Variants in NELL1 observed in about 807,000 individuals in gnomAD.
NELL1 encodes the protein neural EGFL like 1, also known as protein kinase C-binding protein NELL1.
NELL1 carries 76 observed loss-of-function variants against 107.4 expected under a neutral mutation model. The ratio of observed to expected loss-of-function variants is 0.71; its 90% CI spans 0.59 to 0.86. The LOEUF (loss-of-function observed/expected upper bound fraction) is 0.86. Ranked by LOEUF, NELL1 falls within the 40% of genes least tolerant of loss-of-function variation. The pLI is 0.00. For synonymous variants in NELL1, 353 were observed against 341.2 expected, an observed-to-expected ratio of 1.03 and a Z score of -0.38; for missense variants, 1,024 against 1,005.5, an observed-to-expected ratio of 1.02 and a Z score of -0.25.
At chr11:20,947,253 G>A (rs1850980855) in intron 10 of NELL1, 83 bp from the exon 11 acceptor site, 3 of 861,710 alleles carry the variant, frequency 3.5e-6, no homozygotes, top group Non-Finnish European at 5.9e-6. Flanking sequence ...ATCACTGCAG[G>A]CTATTAACAA....
intron 13 of NELL1, among the ~76,000 whole-genome samples, chr11:21,180,655 G>A (rs181006617): frequency 2.0e-5 from 3 of 151,654 alleles, no homozygotes; most frequent in East Asian, 3.9e-4. Context: ...CATTGGCCTC[G>A]TACTTTCTCT....
At chr11:20,917,106 T>C (rs1406032185) in intron 5 of NELL1, among the ~76,000 whole-genome samples, 1 of 152,016 alleles carries the variant, frequency 6.6e-6, no homozygotes, top group African/African-American at 2.4e-5. Context: ...ATTTAGATTG[T>C]GCTCCATTAA....
chr11:20,807,204 T>C (rs974132612), intron 3 of NELL1, among the ~76,000 whole-genome samples: 11 of 152,160 alleles, frequency 7.2e-5, no homozygotes, highest in African/African-American at 2.7e-4. Context: ...TTCCAGGTAT[T>C]TGAAGGGACT....
intron 3 of NELL1, among the ~76,000 whole-genome samples, chr11:20,842,275 G>C (rs2134050991): frequency 6.6e-6 from 1 of 152,152 alleles, no homozygotes; most frequent in East Asian, 1.9e-4. Context: ...CTACTCAGGA[G>C]GCTGAGCCAG....
intron 15 of NELL1, among the ~76,000 whole-genome samples, chr11:21,420,699 G>A (rs912264244): frequency 3.9e-5 from 6 of 152,118 alleles, no homozygotes; most frequent in Admixed American, 1.3e-4. Flanking sequence ...AAGACTGGAG[G>A]TTTGCTCTTA....
In NELL1 at chr11:21,023,078, G is replaced by T. The variant is rs999852583; in HGVS notation, c.1300+62518G>T. ...ACTCACTGAAATTTTCTAACCCAAAGCTTAATAGGGTATTTCAAATTTATA... is the reference window on the plus strand; with the variant it reads ...ACTCACTGAAATTTTCTAACCCAAATCTTAATAGGGTATTTCAAATTTATA... On this transcript the variant is annotated intron_variant, in intron 12 of 19. Coordinates refer to ENST00000357134, the MANE Select transcript of NELL1 (RefSeq NM_006157.5). 2.0e-5 allele frequency among the ~76,000 whole-genome samples: 3 copies of T among 152,088 alleles called. No homozygotes were observed. In the East Asian group the frequency reaches 5.8e-4, roughly 30 times the overall value.
intron 12 of NELL1, among the ~76,000 whole-genome samples, chr11:20,962,175 CTTAG>C (rs926052429): frequency 5.3e-5 from 8 of 151,844 alleles, no homozygotes; most frequent in African/African-American, 1.9e-4. Flanking sequence ...TTTAATACAT[CTTAG>C]TTATTTGTTA....
At chr11:21,287,377 G>T (rs1449411836) in intron 14 of NELL1, among the ~76,000 whole-genome samples, 2 of 152,088 alleles carry the variant, frequency 1.3e-5, no homozygotes, top group Non-Finnish European at 2.9e-5. Context: ...CATCCAGCAT[G>T]ATCTTTCTGA....
chr11:20,845,676 A>C (rs980540178), intron 3 of NELL1, among the ~76,000 whole-genome samples: 1 of 152,200 alleles, frequency 6.6e-6, no homozygotes, highest in Non-Finnish European at 1.5e-5. Flanking sequence ...AAGAAATTAA[A>C]AAGATGATGT....
At chr11:20,836,286 A>C (rs1051811945) in intron 3 of NELL1, among the ~76,000 whole-genome samples, 1 of 147,640 alleles carries the variant, frequency 6.8e-6, no homozygotes, top group African/African-American at 2.5e-5. Flanking sequence ...AAAAAAAAAA[A>C]CCCCAACAAT....
intron 2 of NELL1, among the ~76,000 whole-genome samples, chr11:20,712,883 G>A (rs988546193): frequency 1.3e-5 from 2 of 152,228 alleles, no homozygotes; most frequent in African/African-American, 4.8e-5. Context: ...GGAGGTGGCA[G>A]GGGAGTAAAA....
chr11:21,132,370 G>A (rs192942725), intron 13 of NELL1, among the ~76,000 whole-genome samples: 1 of 152,156 alleles, frequency 6.6e-6, no homozygotes, highest in Non-Finnish European at 1.5e-5. Context: ...CATTGGGCTC[G>A]TTCCATCCTC....
At chr11:21,275,710 G>A (rs185669806) in intron 14 of NELL1, among the ~76,000 whole-genome samples, 158 of 152,340 alleles carry the variant, frequency 1.0e-3, no homozygotes, top group Non-Finnish European at 1.9e-3. Context: ...ATATGATCAA[G>A]TGGGCTTCAT....
chr11:20,939,071 A>G (rs1280533115), intron 10 of NELL1, among the ~76,000 whole-genome samples: 1 of 152,008 alleles, frequency 6.6e-6, no homozygotes, highest in Non-Finnish European at 1.5e-5. Flanking sequence ...TAATTGTAAG[A>G]AATGACCTAA....
chr11:21,384,528 G>T (rs1271102618), intron 15 of NELL1, among the ~76,000 whole-genome samples: 2 of 151,840 alleles, frequency 1.3e-5, no homozygotes, highest in African/African-American at 4.8e-5. Context: ...CATGTGCCAT[G>T]CTGGTGCGCT....
chr11:20,707,171 C>T (rs1018229963), intron 2 of NELL1, among the ~76,000 whole-genome samples: 29 of 152,158 alleles, frequency 1.9e-4, no homozygotes, highest in Non-Finnish European at 3.1e-4. Context: ...GAAGCTTGTG[C>T]GTTTGTCACG....
intron 2 of NELL1, among the ~76,000 whole-genome samples, chr11:20,707,783 C>T (rs1191442850): frequency 6.6e-6 from 1 of 152,176 alleles, no homozygotes; most frequent in Non-Finnish European, 1.5e-5. Flanking sequence ...GGTTAGGCTA[C>T]TCAGGGATCT....
rs1851657124 is a variant in NELL1, at chr11:21,383,357, A to C, written c.1645+12409A>C. ...CTATGGGTGGCAGCAATTTCAGCTA[A>C]ATAGGTTGAGTCCATGAGGGGAGAT... On this transcript the variant is annotated intron_variant, in intron 15 of 19. Transcript: ENST00000357134. Among the ~76,000 whole-genome samples, 3 of 151,938 alleles carry C rather than the reference A, an allele frequency of 2.0e-5. No individual in the cohort carries two copies. In the South Asian group the frequency reaches 6.2e-4, roughly 31 times the overall value.
intron 15 of NELL1, among the ~76,000 whole-genome samples, chr11:21,459,917 A>G (rs1853855572): frequency 6.6e-6 from 1 of 152,096 alleles, no homozygotes; most frequent in Admixed American, 6.6e-5. Context: ...ACATTGGAGT[A>G]TAGAGAGAAG....
Sources: gnomAD v4.1 joint callset for allele counts (sites outside exome capture counted in the v4.1 genomes callset) on GRCh38, gnomAD v4.1.1 for gene constraint, MANE v1.5 for transcripts, NCBI Gene and HGNC (gene_info 2026-07-23, HGNC 2026-07-21) for gene names.